RAB38: variants seen among roughly 807,000 people sequenced by gnomAD.
The protein encoded by RAB38 is RAB38, member RAS oncogene family.
In RAB38, 15 loss-of-function variants were observed where a neutral mutation model predicts 18.4. That is an observed-to-expected ratio of 0.82 (90% CI 0.55 to 1.26). The LOEUF (loss-of-function observed/expected upper bound fraction) is 1.26. Among genes scored for constraint, RAB38 ranks in the 50% most tolerant of loss-of-function variants. The probability of loss-of-function intolerance (pLI) is 0.00; values close to 1 mark genes in which losing one functional copy is unlikely to be tolerated. For synonymous variants in RAB38, 101 were observed against 104.4 expected, an observed-to-expected ratio of 0.97 and a Z score of 0.20; for missense variants, 294 against 267.4, an observed-to-expected ratio of 1.10 and a Z score of -0.69.
chr11:87,879,457 T>A, the RAB38 span: 1 of 151,544 alleles, frequency 6.6e-6, no homozygotes, highest in Non-Finnish European at 1.5e-5. Flanking sequence ...AACAAAAATA[T>A]TTAAAAAGGC....
chr11:88,063,753 A>C, the RAB38 span, among the ~76,000 whole-genome samples: 1 of 152,148 alleles, frequency 6.6e-6, no homozygotes, highest in Admixed American at 6.5e-5. Flanking sequence ...TCCCCAGCAC[A>C]TGCTCTCTTG....
At chr11:87,913,890 C>T in the RAB38 span, among the ~76,000 whole-genome samples, 7 of 152,148 alleles carry the variant, frequency 4.6e-5, no homozygotes, top group African/African-American at 9.6e-5. Flanking sequence ...AGAGTTCCGC[C>T]GGCAAGAGGA....
At chr11:87,960,500 G>A in the RAB38 span, among the ~76,000 whole-genome samples, 3 of 152,004 alleles carry the variant, frequency 2.0e-5, no homozygotes, top group Non-Finnish European at 4.4e-5. Flanking sequence ...ATGATGATAA[G>A]AGCCAGCAAT....
the RAB38 span, among the ~76,000 whole-genome samples, chr11:88,071,959 A>G: frequency 6.6e-6 from 1 of 152,242 alleles, no homozygotes; most frequent in African/African-American, 2.4e-5. Context: ...CAGGAGAGGC[A>G]TGCCCATTGT....
the RAB38 span, among the ~76,000 whole-genome samples, chr11:88,051,229 G>A: frequency 0.023 from 3,509 of 152,096 alleles, 56 homozygotes; most frequent in Non-Finnish European, 0.036. Context: ...TCCTGCTGGA[G>A]GGCCTAAAAA....
the RAB38 span, among the ~76,000 whole-genome samples, chr11:87,873,230 T>A: frequency 6.6e-6 from 1 of 151,640 alleles, no homozygotes; most frequent in African/African-American, 2.4e-5. Flanking sequence ...TATGCTTACT[T>A]GTTATCTGTA....
intron 2 of RAB38, among the ~76,000 whole-genome samples, chr11:88,133,486 T>A (rs1427371119): frequency 6.6e-6 from 1 of 152,160 alleles, no homozygotes. Flanking sequence ...AAGTTAGATT[T>A]AAAAATCTCT....
At chr11:88,090,154 A>G in the RAB38 span, among the ~76,000 whole-genome samples, 9 of 151,962 alleles carry the variant, frequency 5.9e-5, no homozygotes, top group Admixed American at 4.6e-4. Flanking sequence ...CTTCCTTTTC[A>G]CAGAATAAGT....
chr11:87,958,288 G>A, the RAB38 span, among the ~76,000 whole-genome samples: 1 of 152,130 alleles, frequency 6.6e-6, no homozygotes, highest in East Asian at 1.9e-4. Context: ...CTGTAGGTTA[G>A]GTGTATAAGA....
At chr11:88,080,868 AGGG>A in the RAB38 span, among the ~76,000 whole-genome samples, 2 of 133,546 alleles carry the variant, frequency 1.5e-5, no homozygotes, top group African/African-American at 5.3e-5. Context: ...GGAGGGAGGG[AGGG>A]AGGGAGGAAG....
chr11:87,827,404 A>C, the RAB38 span, among the ~76,000 whole-genome samples: 75 of 152,076 alleles, frequency 4.9e-4, no homozygotes, highest in African/African-American at 1.4e-3. Flanking sequence ...GTAGTACTCT[A>C]TGAACAATAA....
chr11:88,108,620 T>C (rs1591148289), downstream of RAB38, among the ~76,000 whole-genome samples: 26 of 152,242 alleles, frequency 1.7e-4, no homozygotes, highest in Admixed American at 6.5e-5. Flanking sequence ...TGACTTTTAA[T>C]TGGGGCATGT....
At chr11:88,005,306 A>T in the RAB38 span, among the ~76,000 whole-genome samples, 4 of 151,488 alleles carry the variant, frequency 2.6e-5, no homozygotes, top group African/African-American at 4.8e-5. Context: ...TGTAAGAAAC[A>T]GAATAGACTC....
the RAB38 span, among the ~76,000 whole-genome samples, chr11:87,960,458 G>A: frequency 6.6e-6 from 1 of 151,968 alleles, no homozygotes; most frequent in Non-Finnish European, 1.5e-5. Context: ...AGCAAAGGGA[G>A]CAAGAACTGA....
At chr11:88,150,871 T>A (rs1943055191) in intron 1 of RAB38, among the ~76,000 whole-genome samples, 1 of 152,218 alleles carries the variant, frequency 6.6e-6, no homozygotes, top group Admixed American at 6.5e-5. Flanking sequence ...TCCCTTTGAA[T>A]TTGACTGAAC....
At chr11:88,012,019 A>G in the RAB38 span, among the ~76,000 whole-genome samples, 34 of 152,210 alleles carry the variant, frequency 2.2e-4, no homozygotes, top group African/African-American at 7.7e-4. Flanking sequence ...TGTCTCAAAC[A>G]GTGTGACATT....
chr11:88,067,070 G>A, the RAB38 span, among the ~76,000 whole-genome samples: 1 of 152,098 alleles, frequency 6.6e-6, no homozygotes, highest in African/African-American at 2.4e-5. Context: ...AATGACTTTG[G>A]TTATTATTAG....
At chr11:88,126,718 A>G (rs762246892) in intron 2 of RAB38, among the ~76,000 whole-genome samples, 1 of 151,628 alleles carries the variant, frequency 6.6e-6, no homozygotes, top group Admixed American at 6.6e-5. Flanking sequence ...AAAAAAAGAA[A>G]GACTCAGAAG....
intron 1 of RAB38, among the ~76,000 whole-genome samples, chr11:88,158,109 T>A (rs1022040518): frequency 1.3e-5 from 2 of 151,990 alleles, no homozygotes; most frequent in Admixed American, 1.3e-4. Flanking sequence ...TTACAACTGA[T>A]CCCACAGAAA....
Sources: allele counts gnomAD v4.1 joint callset (sites outside exome capture counted in the v4.1 genomes callset), GRCh38; gene constraint gnomAD v4.1.1; transcripts MANE v1.5; gene names NCBI Gene and HGNC (gene_info 2026-07-23, HGNC 2026-07-21).